AKAP19: variants seen among roughly 807,000 people sequenced by gnomAD.
The protein encoded by AKAP19 is small A-kinase anchoring protein.
the AKAP19 span, among the ~76,000 whole-genome samples, chr2:189,899,533 G>C: frequency 3.9e-5 from 6 of 152,266 alleles, no homozygotes; most frequent in African/African-American, 1.2e-4. Flanking sequence ...ACTCTTTCTT[G>C]CTGCATGGTC....
At chr2:190,175,556 T>C in the AKAP19 span, among the ~76,000 whole-genome samples, 2 of 152,228 alleles carry the variant, frequency 1.3e-5, no homozygotes, top group Non-Finnish European at 2.9e-5. Flanking sequence ...AGAATGGGTC[T>C]AGAGCAGCCT....
the AKAP19 span, among the ~76,000 whole-genome samples, chr2:190,085,024 C>A: frequency 6.6e-6 from 1 of 152,184 alleles, no homozygotes; most frequent in East Asian, 1.9e-4. Flanking sequence ...TTTCCCAAAC[C>A]ACCCTTCTCT....
At chr2:190,044,735 C>T in the AKAP19 span, among the ~76,000 whole-genome samples, 1 of 152,134 alleles carries the variant, frequency 6.6e-6, no homozygotes, top group South Asian at 2.1e-4. Context: ...GTTGCCTAGG[C>T]CAGTCCCTAG....
At chr2:190,185,825 A>G in the AKAP19 span, among the ~76,000 whole-genome samples, 7 of 152,258 alleles carry the variant, frequency 4.6e-5, no homozygotes, top group Non-Finnish European at 8.8e-5. Flanking sequence ...ATCTGGAGAT[A>G]TAATACAACA....
At chr2:190,050,435 C>A in the AKAP19 span, among the ~76,000 whole-genome samples, 1 of 152,136 alleles carries the variant, frequency 6.6e-6, no homozygotes. Flanking sequence ...AGGTACTGGG[C>A]AGGGCCTTTT....
At chr2:189,979,026 A>G in the AKAP19 span, among the ~76,000 whole-genome samples, 2 of 152,140 alleles carry the variant, frequency 1.3e-5, no homozygotes, top group African/African-American at 4.8e-5. Flanking sequence ...TATAGATTCA[A>G]TGTCATTCCT....
At chr2:189,936,988 A>T in the AKAP19 span, among the ~76,000 whole-genome samples, 1 of 152,030 alleles carries the variant, frequency 6.6e-6, no homozygotes, top group African/African-American at 2.4e-5. Flanking sequence ...AAAAAAATGT[A>T]TGTGGGCATA....
At chr2:190,195,668 A>G in the AKAP19 span, among the ~76,000 whole-genome samples, 1 of 152,252 alleles carries the variant, frequency 6.6e-6, no homozygotes, top group South Asian at 2.1e-4. Context: ...ACAATCTTTT[A>G]TCAAATATGC....
chr2:190,153,128 C>T, the AKAP19 span, among the ~76,000 whole-genome samples: 1 of 152,194 alleles, frequency 6.6e-6, no homozygotes, highest in African/African-American at 2.4e-5. Flanking sequence ...ATCTTCTGAC[C>T]TTGTGATCTG....
chr2:189,892,580 T>A, the AKAP19 span, among the ~76,000 whole-genome samples: 1 of 152,160 alleles, frequency 6.6e-6, no homozygotes, highest in Non-Finnish European at 1.5e-5. Context: ...GCAGCAAAAA[T>A]TGCTGCCTGT....
the AKAP19 span, among the ~76,000 whole-genome samples, chr2:189,927,943 C>T: frequency 6.1e-3 from 922 of 152,238 alleles, 6 homozygotes; most frequent in African/African-American, 0.02. Context: ...ATGCTCTAGA[C>T]ATTCAAATGT....
chr2:190,069,643 A>G, the AKAP19 span, among the ~76,000 whole-genome samples: 1 of 152,202 alleles, frequency 6.6e-6, no homozygotes, highest in African/African-American at 2.4e-5. Flanking sequence ...CATAATTCAC[A>G]GAGGATTGGC....
the AKAP19 span, among the ~76,000 whole-genome samples, chr2:189,935,136 AT>A: frequency 1.1e-4 from 16 of 151,886 alleles, no homozygotes; most frequent in East Asian, 1.9e-4. Flanking sequence ...TTTTAAAATA[AT>A]TTTTTTTAGT....
the AKAP19 span, among the ~76,000 whole-genome samples, chr2:190,079,746 G>A: frequency 8.5e-5 from 13 of 152,230 alleles, no homozygotes; most frequent in South Asian, 1.7e-3. Context: ...AGGAGGCAGA[G>A]GTTGCAGTGA....
At chr2:190,125,838 C>G in the AKAP19 span, among the ~76,000 whole-genome samples, 2 of 152,050 alleles carry the variant, frequency 1.3e-5, no homozygotes, top group African/African-American at 4.8e-5. Flanking sequence ...AATAAAACAG[C>G]ACGGCAATTC....
the AKAP19 span, among the ~76,000 whole-genome samples, chr2:189,961,969 C>G: frequency 6.6e-6 from 1 of 151,254 alleles, no homozygotes; most frequent in Non-Finnish European, 1.5e-5. Flanking sequence ...CTTTGAAATT[C>G]AATGTATTTT....
chr2:190,169,402 G>A, the AKAP19 span, among the ~76,000 whole-genome samples: 1 of 152,152 alleles, frequency 6.6e-6, no homozygotes, highest in Non-Finnish European at 1.5e-5. Flanking sequence ...TGGTGAGGTG[G>A]TCTGAATGTG....
the AKAP19 span, among the ~76,000 whole-genome samples, chr2:190,161,920 C>T: frequency 2.0e-5 from 3 of 152,130 alleles, no homozygotes; most frequent in African/African-American, 7.2e-5. Context: ...AAGAACATGG[C>T]TTCAGATCAA....
At chr2:190,051,822 T>TA in the AKAP19 span, among the ~76,000 whole-genome samples, 4 of 149,548 alleles carry the variant, frequency 2.7e-5, no homozygotes, top group South Asian at 2.1e-4. Context: ...TTTTTTTATT[T>TA]TTTATTTATT....
Sources: gnomAD v4.1 joint callset for allele counts (sites outside exome capture counted in the v4.1 genomes callset) on GRCh38, gnomAD v4.1.1 for gene constraint, MANE v1.5 for transcripts, NCBI Gene and HGNC (gene_info 2026-07-23, HGNC 2026-07-21) for gene names.